Variants in PDS5A observed in about 807,000 individuals in gnomAD.
The protein encoded by PDS5A is sister chromatid cohesion protein PDS5 homolog A.
PDS5A carries 42 observed loss-of-function variants against 167.1 expected under a neutral mutation model. That is an observed-to-expected ratio of 0.25 (90% CI 0.20 to 0.33). The LOEUF (loss-of-function observed/expected upper bound fraction) is 0.33. Among genes scored for constraint, PDS5A ranks in the 10% least tolerant of loss-of-function variants. The pLI, the probability that PDS5A is intolerant of heterozygous loss-of-function variation, is 1.00. For missense variants in PDS5A, 1,033 were observed against 1,605.9 expected (o/e 0.64, Z 6.10); for synonymous variants, 553 against 554.6 (o/e 1.00, Z 0.04).
chr4:39,874,221 A>T, intron 20 of PDS5A, 68 bp downstream of exon 20: 1 of 1,359,040 alleles, frequency 7.4e-7, no homozygotes, highest in Non-Finnish European at 1.0e-6. Flanking sequence ...TCTAGCTTCC[A>T]TCTTCATCAA....
intron 17 of PDS5A, 129 bp downstream of exon 17, chr4:39,890,120 G>C (rs188711309): frequency 6.3e-5 from 36 of 568,760 alleles, no homozygotes; most frequent in Admixed American, 6.2e-4. Context: ...CTTGAATGAT[G>C]TACAACCCTG....
In PDS5A at chr4:39,920,494, T is replaced by C. The variant is rs542746823; in HGVS notation, c.655-95A>G. Reference sequence around the variant, plus strand: ...TGTAGTCTTCAAATCTGTAATAAAATATGAATTTTGCTTCACTAAAATATG... The same window carrying C: ...TGTAGTCTTCAAATCTGTAATAAAACATGAATTTTGCTTCACTAAAATATG... On this transcript the variant is annotated intron_variant, in intron 6 of 32. Coordinates refer to ENST00000303538, the MANE Select transcript of PDS5A (RefSeq NM_001100399.2). 1.1e-3 allele frequency: 503 copies of C among 471,792 alleles called. 12 individuals are homozygous for C. In the South Asian group the frequency reaches 0.022, roughly 20 times the overall value. 29.2% of individuals were successfully genotyped at this position (471,792 alleles called of 1,614,324 possible).
intron 21 of PDS5A, among the ~76,000 whole-genome samples, chr4:39,872,638 G>A (rs182526630): frequency 5.6e-4 from 86 of 152,222 alleles, no homozygotes; most frequent in African/African-American, 1.9e-3. Flanking sequence ...GGCACAGAGC[G>A]AGACTCTTGT....
chr4:39,830,043 T>C (rs1715712128), intron 32 of PDS5A, among the ~76,000 whole-genome samples: 1 of 148,506 alleles, frequency 6.7e-6, no homozygotes, highest in Non-Finnish European at 1.5e-5. Flanking sequence ...ATAAGTGATA[T>C]GCTGGGATCT....
chr4:39,831,990 T>C (rs1196534905), intron 32 of PDS5A, among the ~76,000 whole-genome samples: 1 of 149,312 alleles, frequency 6.7e-6, no homozygotes, highest in Non-Finnish European at 1.5e-5. Flanking sequence ...GGCGCACATC[T>C]GCAGTCCCAG....
chr4:39,906,416 G>C (rs1008360500), intron 11 of PDS5A, among the ~76,000 whole-genome samples: 3 of 151,878 alleles, frequency 2.0e-5, no homozygotes, highest in African/African-American at 7.3e-5. Flanking sequence ...ACTTCCTTAC[G>C]TTGCAAACCT....
At chr4:39,976,705 C>T in intron 1 of PDS5A, 88 bp from the exon 2 acceptor site, 1 of 634,656 alleles carries the variant, frequency 1.6e-6, no homozygotes, top group Non-Finnish European at 2.5e-6. Flanking sequence ...CTGGAAAAGG[C>T]CCTGTCTCCC....
chr4:39,964,301 T>C (rs1022049731), intron 2 of PDS5A, among the ~76,000 whole-genome samples: 1 of 152,172 alleles, frequency 6.6e-6, no homozygotes, highest in East Asian at 1.9e-4. Context: ...GAGGTTCAAA[T>C]GGAGGTAACA....
chr4:39,866,169 C>T (rs986395590), intron 23 of PDS5A, among the ~76,000 whole-genome samples: 9 of 152,148 alleles, frequency 5.9e-5, no homozygotes, highest in African/African-American at 9.7e-5. Flanking sequence ...GGCTGGAGTG[C>T]GGTGGCACGA....
chr4:39,861,908 C>A (rs1262292861), intron 26 of PDS5A, among the ~76,000 whole-genome samples: 1 of 152,192 alleles, frequency 6.6e-6, no homozygotes, highest in Non-Finnish European at 1.5e-5. Context: ...TACTTCAGTA[C>A]TCTTCCCATA....
At chr4:39,897,961 A>G (rs1722568988) in intron 16 of PDS5A, 2 of 813,570 alleles carry the variant, frequency 2.5e-6, no homozygotes, top group Non-Finnish European at 3.0e-6. Context: ...GAGAAGAATG[A>G]AGACAAAAGT....
intron 17 of PDS5A, among the ~76,000 whole-genome samples, chr4:39,882,956 A>G (rs994208992): frequency 6.6e-6 from 1 of 152,174 alleles, no homozygotes; most frequent in East Asian, 1.9e-4. Context: ...CCCATTGGCA[A>G]CTTCATCTTT....
chr4:39,849,712 AAT>A, intron 26 of PDS5A, 60 bp from the exon 27 acceptor site: 1 of 1,161,190 alleles, frequency 8.6e-7, no homozygotes, highest in Non-Finnish European at 1.2e-6. Flanking sequence ...TAAAGCAATA[AAT>A]ATGTTAGCTG....
intron 26 of PDS5A, among the ~76,000 whole-genome samples, chr4:39,854,004 T>C (rs926214434): frequency 6.6e-6 from 1 of 152,150 alleles, no homozygotes; most frequent in African/African-American, 2.4e-5. Context: ...TCTTCATTTG[T>C]AAAATGGGAA....
At chr4:39,934,095 C>T (rs1284612354) in intron 2 of PDS5A, among the ~76,000 whole-genome samples, 2 of 152,176 alleles carry the variant, frequency 1.3e-5, no homozygotes, top group African/African-American at 4.8e-5. Context: ...CTGTGTGAGG[C>T]TCTGTACCAA....
At chr4:39,973,868 G>C (rs1730811235) in intron 2 of PDS5A, 1 of 811,194 alleles carries the variant, frequency 1.2e-6, no homozygotes, top group Non-Finnish European at 2.2e-6. Flanking sequence ...GCTCACGCCT[G>C]TAATCCCAGC....
chr4:39,890,646 C>A (rs556228213), intron 16 of PDS5A, among the ~76,000 whole-genome samples: 167 of 151,938 alleles, frequency 1.1e-3, no homozygotes, highest in Non-Finnish European at 5.3e-4. Flanking sequence ...TGAGACGAGT[C>A]TAACTCTGTC....
At chr4:39,839,063 T>C (rs1213162126) in intron 31 of PDS5A, among the ~76,000 whole-genome samples, 2 of 152,168 alleles carry the variant, frequency 1.3e-5, no homozygotes, top group African/African-American at 2.4e-5. Flanking sequence ...ACTCTCAATG[T>C]AACTCAATGT....
At chr4:39,860,465 C>CAA (rs35765967) in intron 26 of PDS5A, among the ~76,000 whole-genome samples, 52 of 125,312 alleles carry the variant, frequency 4.1e-4, no homozygotes, top group Admixed American at 7.5e-4. Context: ...ACACTTGTCT[C>CAA]AAAAAAAAAA....
Sources: allele counts gnomAD v4.1 joint callset (sites outside exome capture counted in the v4.1 genomes callset), GRCh38; gene constraint gnomAD v4.1.1; transcripts MANE v1.5; gene names NCBI Gene and HGNC (gene_info 2026-07-23, HGNC 2026-07-21).